Variants in KARS1 observed in about 807,000 individuals in gnomAD.
The protein encoded by KARS1 is lysine--tRNA ligase.
A neutral mutation model predicts 63.9 loss-of-function variants in KARS1; 50 were observed. The observed-to-expected ratio is 0.78, with a 90% confidence interval of 0.62 to 0.99. The LOEUF is 0.99. Among genes scored for constraint, KARS1 ranks in the 50% least tolerant of loss-of-function variants. KARS1 has a pLI of 0.00. For synonymous variants in KARS1, 320 were observed against 264.6 expected, an observed-to-expected ratio of 1.21 and a Z score of -2.03; for missense variants, 816 against 754.5, an observed-to-expected ratio of 1.08 and a Z score of -0.95.
At chr16:75,629,379 G>A (rs1567497783) in intron 12 of KARS1, 36 bp downstream of exon 12, 23 of 1,613,218 alleles carry the variant, frequency 1.4e-5, no homozygotes, top group Non-Finnish European at 2.0e-5. Context: ...TTCCTGGTGA[G>A]TTGGCACAGC....
At chr16:75,647,343 C>G in intron 1 of KARS1, 2 of 613,484 alleles carry the variant, frequency 3.3e-6, no homozygotes, top group African/African-American at 1.8e-5. Context: ...TCTCTTAACT[C>G]TAGGAGTATG....
chr16:75,629,282 T>G, intron 12 of KARS1, 133 bp downstream of exon 12: 1 of 1,072,966 alleles, frequency 9.3e-7, no homozygotes, highest in Non-Finnish European at 1.4e-6. Context: ...GAAATGTGAC[T>G]CCTCCAGCAA....
chr16:75,637,558 G>A (rs562344180), intron 3 of KARS1, among the ~76,000 whole-genome samples: 16 of 152,014 alleles, frequency 1.1e-4, no homozygotes, highest in Admixed American at 4.6e-4. Context: ...GGCAGATCAC[G>A]TAAGGCTGGG....
chr16:75,629,141 C>T, intron 12 of KARS1: 6 of 499,726 alleles, frequency 1.2e-5, no homozygotes, highest in Non-Finnish European at 2.2e-5. Context: ...AATACATGTA[C>T]AATCTAAGAA....
intron 3 of KARS1, among the ~76,000 whole-genome samples, chr16:75,637,219 A>G (rs1477742122): frequency 1.3e-5 from 2 of 152,058 alleles, no homozygotes; most frequent in Admixed American, 1.3e-4. Context: ...AAAATTTACA[A>G]CAAAATGCTG....
intron 1 of KARS1, among the ~76,000 whole-genome samples, chr16:75,643,791 T>C (rs139644992): frequency 6.6e-6 from 1 of 152,362 alleles, no homozygotes; most frequent in African/African-American, 2.4e-5. Context: ...TCCAAAACAC[T>C]GTGCTGGTGT....
At chr16:75,635,100 T>A (rs559294713) in intron 6 of KARS1, among the ~76,000 whole-genome samples, 1 of 152,278 alleles carries the variant, frequency 6.6e-6, no homozygotes, top group Non-Finnish European at 1.5e-5. Context: ...ATCCAGAATA[T>A]CTTAAGTGAA....
intron 3 of KARS1, among the ~76,000 whole-genome samples, chr16:75,637,827 G>C (rs1597171323): frequency 7.6e-6 from 1 of 130,802 alleles, no homozygotes; most frequent in African/African-American, 2.9e-5. Flanking sequence ...AGAGCCCACA[G>C]AAACCCTCTC....
chr16:75,639,643 G>C (rs2082201330), intron 3 of KARS1: 1 of 151,450 alleles, frequency 6.6e-6, no homozygotes, highest in Non-Finnish European at 1.5e-5. Flanking sequence ...TGGGCATTTA[G>C]GTCCTGCCAG....
chr16:75,635,877 T>A (rs762878161), intron 5 of KARS1, 35 bp downstream of exon 5: 26 of 1,613,606 alleles, frequency 1.6e-5, no homozygotes, highest in Admixed American at 8.3e-5. Context: ...AACAGAAAGC[T>A]AGGAGGCCAC....
At chr16:75,641,804 C>T in intron 1 of KARS1, 81 bp from the exon 2 acceptor site, 1 of 1,444,564 alleles carries the variant, frequency 6.9e-7, no homozygotes, top group African/African-American at 1.4e-5. Flanking sequence ...TTATCAAAAA[C>T]ATGAATCGCC....
At chr16:75,646,119 T>C (rs2082280490) in intron 1 of KARS1, among the ~76,000 whole-genome samples, 1 of 152,224 alleles carries the variant, frequency 6.6e-6, no homozygotes, top group Admixed American at 6.5e-5. Context: ...TTCCAAACTT[T>C]TATGGAAGTC....
At chr16:75,637,341 A>T (rs998582099) in intron 3 of KARS1, among the ~76,000 whole-genome samples, 4 of 151,782 alleles carry the variant, frequency 2.6e-5, no homozygotes, top group South Asian at 2.1e-4. Flanking sequence ...TATGGGAGGG[A>T]TCTGAGAACT....
intron 7 of KARS1, among the ~76,000 whole-genome samples, chr16:75,633,002 T>G (rs983549545): frequency 2.0e-5 from 3 of 152,138 alleles, no homozygotes; most frequent in Admixed American, 6.5e-5. Flanking sequence ...TAACTAACCT[T>G]TCAGCCAGAT....
chr16:75,628,506 G>A, intron 13 of KARS1, 63 bp downstream of exon 13: 11 of 1,585,570 alleles, frequency 6.9e-6, no homozygotes, highest in African/African-American at 1.3e-5. Flanking sequence ...GGCCCACCAT[G>A]CCCTGGCTCC....
In KARS1 at chr16:75,633,201, G is replaced by C. The variant is rs182489725; in HGVS notation, c.915+972C>G. ...AATGCCTGGAGTGAGAGCTGCTCAG[G>C]GTCGGCCGCAATGACAAATACACCT... On this transcript the variant is annotated intron_variant, in intron 7 of 13. Coordinates refer to ENST00000302445, the MANE Select transcript of KARS1 (RefSeq NM_005548.3). Among the ~76,000 whole-genome samples, 338 of 152,250 alleles carry C rather than the reference G, an allele frequency of 2.2e-3. 4 individuals carry two copies. Among genetic ancestry groups the C allele is most frequent in the Non-Finnish European group, 2.1e-3 (146 of 68,012 alleles).
intron 7 of KARS1, 197 bp downstream of exon 7, chr16:75,633,976 C>G (rs545086994): frequency 9.3e-6 from 6 of 648,370 alleles, no homozygotes; most frequent in Non-Finnish European, 1.7e-5. Context: ...CCCCTTTGGT[C>G]TCTGCCCTAC....
At chr16:75,646,151 G>A (rs1316004585) in intron 1 of KARS1, among the ~76,000 whole-genome samples, 3 of 152,172 alleles carry the variant, frequency 2.0e-5, no homozygotes, top group East Asian at 3.9e-4. Flanking sequence ...TCTAATAAAG[G>A]ACAATATATT....
At chr16:75,633,564 C>G (rs754961969) in intron 7 of KARS1, among the ~76,000 whole-genome samples, 1 of 145,150 alleles carries the variant, frequency 6.9e-6, no homozygotes, top group East Asian at 2.0e-4. Flanking sequence ...GTCACCCAGG[C>G]TGGAGTGCAG....
Sources: gnomAD v4.1 joint callset for allele counts (sites outside exome capture counted in the v4.1 genomes callset) on GRCh38, gnomAD v4.1.1 for gene constraint, MANE v1.5 for transcripts, NCBI Gene and HGNC (gene_info 2026-07-23, HGNC 2026-07-21) for gene names.